Variants in HS2ST1 observed in about 807,000 individuals in gnomAD.
HS2ST1 encodes the protein heparan sulfate 2-O-sulfotransferase 1, also known as 2-O-sulfotransferase.
Under a neutral mutation model 42.9 loss-of-function variants are expected in HS2ST1, and 18 were observed. The ratio of observed to expected loss-of-function variants is 0.42; its 90% CI spans 0.29 to 0.62. HS2ST1 has a LOEUF of 0.62. Ranked by LOEUF, HS2ST1 falls within the 20% of genes least tolerant of loss-of-function variation. The pLI, the probability that HS2ST1 is intolerant of heterozygous loss-of-function variation, is 0.21. For missense variants in HS2ST1, 334 were observed against 433.8 expected (o/e 0.77, Z 2.04); for synonymous variants, 146 against 152.9 (o/e 0.95, Z 0.33).
At chr1:87,056,350 A>G (rs1379519227) in intron 1 of HS2ST1, among the ~76,000 whole-genome samples, 7 of 152,330 alleles carry the variant, frequency 4.6e-5, no homozygotes, top group Non-Finnish European at 8.8e-5. Context: ...TTGCCAGCCT[A>G]AAGAACCAGA....
At position 87,104,473 on chromosome 1, in the gene HS2ST1, A is replaced by G. The variant is rs1188208371; in HGVS notation, c.848A>G (p.Lys283Arg). 6.9e-6 allele frequency: 11 copies of G among 1,601,392 alleles called. No homozygotes were observed. Among genetic ancestry groups the G allele is most frequent in the African/African-American group, 1.3e-5 (1 of 74,354 alleles). ...TTTTTTCCCCCTTTGTAAGTAGGAA[A>G]GAAATCTCATCTTAGGAAAACCACA... ...RGATELYRTGKKSHLRKTTEK... is the reference protein window; with the variant it reads ...RGATELYRTGRKSHLRKTTEK... The change falls in exon 7 of 7, where the codon AAG becomes AGG. Residue 283 changes from lysine to arginine, a missense_variant. Transcript: ENST00000370550.
At chr1:86,953,913 G>A (rs1449134980) in intron 1 of HS2ST1, among the ~76,000 whole-genome samples, 1 of 151,904 alleles carries the variant, frequency 6.6e-6, no homozygotes, top group Non-Finnish European at 1.5e-5. Flanking sequence ...GGGGAAAATG[G>A]GGAATGGCTG....
At chr1:87,021,323 C>T (rs894217585) in intron 1 of HS2ST1, among the ~76,000 whole-genome samples, 13 of 152,118 alleles carry the variant, frequency 8.5e-5, no homozygotes, top group African/African-American at 2.9e-4. Flanking sequence ...TTCATTAGTT[C>T]CCCCCTCTAG....
At chr1:86,977,858 A>T (rs1235351944) in intron 1 of HS2ST1, among the ~76,000 whole-genome samples, 1 of 152,204 alleles carries the variant, frequency 6.6e-6, no homozygotes, top group Non-Finnish European at 1.5e-5. Context: ...TTAAAAAGCA[A>T]CTAAAGGAAA....
chr1:87,007,324 C>A (rs1649470754), intron 1 of HS2ST1, among the ~76,000 whole-genome samples: 1 of 151,870 alleles, frequency 6.6e-6, no homozygotes, highest in African/African-American at 2.4e-5. Flanking sequence ...TTCTATTTAT[C>A]TTTATATTTT....
At chr1:86,998,393 A>G (rs955067358) in intron 1 of HS2ST1, among the ~76,000 whole-genome samples, 2 of 152,194 alleles carry the variant, frequency 1.3e-5, no homozygotes, top group African/African-American at 4.8e-5. Flanking sequence ...GCTTGTCTCA[A>G]ATATGCTTGT....
chr1:86,947,077 A>T (rs993505832), intron 1 of HS2ST1, among the ~76,000 whole-genome samples: 1 of 152,250 alleles, frequency 6.6e-6, no homozygotes, highest in Non-Finnish European at 1.5e-5. Context: ...ATAGAATGAC[A>T]TGAAGTGGGC....
At chr1:86,933,704 TA>T (rs1290575852) in intron 1 of HS2ST1, among the ~76,000 whole-genome samples, 1 of 130,440 alleles carries the variant, frequency 7.7e-6, no homozygotes, top group Admixed American at 8.2e-5. Flanking sequence ...GCATGCCTTG[TA>T]ATTTTTTTTT....
chr1:86,915,920 G>A (rs772183245), intron 1 of HS2ST1, among the ~76,000 whole-genome samples: 5 of 152,140 alleles, frequency 3.3e-5, no homozygotes, highest in African/African-American at 4.8e-5. Flanking sequence ...AGGAGGGAAC[G>A]CTGAAGGGGA....
rs1240270200 is a variant in HS2ST1, at chr1:87,101,173, T to G, written c.687-2259T>G. On this transcript the variant is annotated intron_variant, in intron 5 of 6. Coordinates refer to ENST00000370550, the MANE Select transcript of HS2ST1 (RefSeq NM_012262.4). ...TGTTTTTTGTTTTTTTTTTTTTTTT[T>G]TTTTTTTTTTTTGAGGCAGTCTCAC... is the stretch of plus-strand genomic sequence containing the variant. 6.6e-4 allele frequency among the ~76,000 whole-genome samples: 84 copies of G among 127,870 alleles called. 2 individuals are homozygous for G. Among genetic ancestry groups the G allele is most frequent in the African/African-American group, 2.3e-3 (80 of 34,058 alleles). The allele number at this position is 127,870 out of a possible 152,430, so 83.9% of individuals were successfully genotyped here.
chr1:87,048,536 A>C (rs1650750509), intron 1 of HS2ST1, among the ~76,000 whole-genome samples: 2 of 151,798 alleles, frequency 1.3e-5, no homozygotes, highest in African/African-American at 4.9e-5. Flanking sequence ...ATTTTTACAG[A>C]TATCCTTTTA....
At chr1:87,098,855 C>T (rs1652132165) in intron 5 of HS2ST1, among the ~76,000 whole-genome samples, 1 of 152,200 alleles carries the variant, frequency 6.6e-6, no homozygotes, top group African/African-American at 2.4e-5. Flanking sequence ...AATCTTGGCT[C>T]ACTGCAACCT....
intron 1 of HS2ST1, among the ~76,000 whole-genome samples, chr1:86,940,295 G>A (rs1426127756): frequency 6.6e-6 from 1 of 152,124 alleles, no homozygotes; most frequent in African/African-American, 2.4e-5. Context: ...GATAATTTGA[G>A]TCCAGGAGGT....
rs368955305 is a variant in HS2ST1, at chr1:86,914,989, C to G, written c.-48C>G. The G allele has an allele frequency of 1.7e-5, 28 of 1,611,046 alleles. No homozygotes were observed. Among genetic ancestry groups the G allele is most frequent in the Non-Finnish European group, 2.2e-5 (26 of 1,179,380 alleles). ...CGGCGTCTCTCTCGCCTCCGGGGTC[C>G]CGCTCCCCGCCCCCCGCGGTATGTC... On this transcript the variant is annotated 5_prime_UTR_variant, in exon 1 of 7. Coordinates refer to ENST00000370550, the MANE Select transcript of HS2ST1 (RefSeq NM_012262.4).
chr1:87,045,065 A>ATCTTC, intron 1 of HS2ST1: 1 of 1,105,340 alleles, frequency 9.0e-7, no homozygotes, highest in Non-Finnish European at 1.4e-6. Flanking sequence ...TCTTTGAAGA[A>ATCTTC]TCTTCTTCAT....
In HS2ST1 at chr1:86,924,895, A is replaced by G. The variant is rs558731436; in HGVS notation, c.124+9735A>G. 3.9e-5 allele frequency among the ~76,000 whole-genome samples: 6 copies of G among 152,188 alleles called. No homozygotes were observed. The East Asian group carries it at 5.8e-4, about 15-fold the overall frequency. On this transcript the variant is annotated intron_variant, in intron 1 of 6. Transcript: ENST00000370550. Reference sequence around the variant, plus strand: ...CATTCAGCTCCTTGTTACTTATGCAATTTCTTCAGTGGGCTTGGATTTCTC... The same window carrying G: ...CATTCAGCTCCTTGTTACTTATGCAGTTTCTTCAGTGGGCTTGGATTTCTC...
intron 1 of HS2ST1, among the ~76,000 whole-genome samples, chr1:87,023,078 T>C (rs534501898): frequency 6.6e-6 from 1 of 152,226 alleles, no homozygotes; most frequent in Non-Finnish European, 1.5e-5. Flanking sequence ...ATTTGTGTTA[T>C]GTCCAAATTG....
chr1:86,917,467 C>T (rs1660187586), intron 1 of HS2ST1, among the ~76,000 whole-genome samples: 1 of 150,136 alleles, frequency 6.7e-6, no homozygotes, highest in African/African-American at 2.5e-5. Flanking sequence ...TGCAGTAAGC[C>T]AAGATCACAC....
chr1:87,011,563 C>G (rs180717336), intron 1 of HS2ST1, among the ~76,000 whole-genome samples: 1 of 152,080 alleles, frequency 6.6e-6, no homozygotes, highest in Non-Finnish European at 1.5e-5. Flanking sequence ...ATTCTTAATG[C>G]CACTTGAATG....
Sources: gnomAD v4.1 joint callset for allele counts (sites outside exome capture counted in the v4.1 genomes callset) on GRCh38, gnomAD v4.1.1 for gene constraint, MANE v1.5 for transcripts, NCBI Gene and HGNC (gene_info 2026-07-23, HGNC 2026-07-21) for gene names.